Variants in NOC3L observed in about 807,000 individuals in gnomAD.
NOC3L encodes nucleolar complex protein 3 homolog.
A neutral mutation model predicts 102.5 loss-of-function variants in NOC3L; 85 were observed. The observed-to-expected ratio is 0.83, with a 90% CI of 0.70 to 0.99. The LOEUF (loss-of-function observed/expected upper bound fraction) is 0.99, where lower values mean the gene tolerates loss of function less well. Ranked by LOEUF, NOC3L falls within the 50% of genes least tolerant of loss-of-function variation. The pLI is 0.00. For synonymous variants in NOC3L, 303 were observed against 309.4 expected, an observed-to-expected ratio of 0.98 and a Z score of 0.22; for missense variants, 878 against 914.9, an observed-to-expected ratio of 0.96 and a Z score of 0.52.
chr10:94,353,494 T>A (rs1440411306), intron 6 of NOC3L, among the ~76,000 whole-genome samples: 1 of 151,922 alleles, frequency 6.6e-6, no homozygotes, highest in African/African-American at 2.4e-5. Context: ...ACTACCAGAG[T>A]GAGAAGTCAC....
rs780161657 is a variant in NOC3L, at chr10:94,346,574, A to C, written c.1258-18T>G. On this transcript the variant is annotated intron_variant, in intron 10 of 20. Transcript: ENST00000371361. ...TTTAACATCTAATATTGGAAAAAAA[A>C]CACAAATATACAGCTTAATATTTAT... 10 of 1,275,918 alleles carry C rather than the reference A, an allele frequency of 7.8e-6. No homozygotes were observed. Among genetic ancestry groups the C allele is most frequent in the South Asian group, 1.5e-5 (1 of 64,770 alleles). The allele number at this position is 1,275,918 out of a possible 1,614,324, so 79.0% of individuals were successfully genotyped here.
chr10:94,337,519 T>C (rs1011753444), intron 19 of NOC3L, among the ~76,000 whole-genome samples: 3 of 151,906 alleles, frequency 2.0e-5, no homozygotes, highest in Admixed American at 1.3e-4. Context: ...TACTATCCTG[T>C]ATGTGCGAAA....
intron 14 of NOC3L, among the ~76,000 whole-genome samples, chr10:94,341,223 G>A (rs1041177927): frequency 6.6e-6 from 1 of 150,918 alleles, no homozygotes; most frequent in African/African-American, 2.4e-5. Flanking sequence ...AACCTAGTAT[G>A]AGGCAGATTT....
intron 8 of NOC3L, among the ~76,000 whole-genome samples, chr10:94,351,661 G>C (rs2054420103): frequency 6.6e-6 from 1 of 151,950 alleles, no homozygotes; most frequent in African/African-American, 2.4e-5. Context: ...CCAGTAGCTG[G>C]GGCTCTATAG....
At chr10:94,319,626 T>TAAC in the NOC3L span, among the ~76,000 whole-genome samples, 1 of 152,140 alleles carries the variant, frequency 6.6e-6, no homozygotes, top group African/African-American at 2.4e-5. Flanking sequence ...ACAGACCACC[T>TAAC]AACTTCTGTA....
In NOC3L at chr10:94,333,814, G is replaced by T. The variant is rs1325957946; in HGVS notation, c.*363C>A. The T allele has an allele frequency of 6.3e-6, 1 of 158,846 alleles. No individual in the cohort carries two copies. The highest frequency in any genetic ancestry group is 2.4e-5 in the African/African-American group (1 of 41,736). The allele number at this position is 158,846 out of a possible 1,614,324, so 9.8% of individuals were successfully genotyped here. ...CTAAATGGTAAAATGTCTTCTCATG[G>T]TCTTGATTTTTCTGTGCTCTATGCC... On this transcript the variant is annotated 3_prime_UTR_variant, in exon 21 of 21. Transcript: ENST00000371361.
rs2054189435 is a variant in NOC3L at position 94,334,084 on chromosome 10, G to A, written c.*93C>T. ...TAGACATTCTTAGGAAGCTTTCCTTGTATAAAAAGAAAAGATCCTAAGTTA... is the reference window on the plus strand; with the variant it reads ...TAGACATTCTTAGGAAGCTTTCCTTATATAAAAAGAAAAGATCCTAAGTTA... On this transcript the variant is annotated 3_prime_UTR_variant, in exon 21 of 21. Coordinates refer to ENST00000371361, the MANE Select transcript of NOC3L (RefSeq NM_022451.11). The A allele has an allele frequency of 6.1e-6, 4 of 650,558 alleles. No homozygotes were observed. 40.3% of individuals were successfully genotyped at this position (650,558 alleles called of 1,614,324 possible).
At chr10:94,320,915 G>C in the NOC3L span, among the ~76,000 whole-genome samples, 3 of 152,162 alleles carry the variant, frequency 2.0e-5, no homozygotes, top group South Asian at 6.2e-4. Context: ...GGGGTATTTT[G>C]TGGCGAATAA....
chr10:94,330,279 T>G (rs960572518), downstream of NOC3L: 1 of 152,268 alleles, frequency 6.6e-6, no homozygotes, highest in Non-Finnish European at 1.5e-5. Flanking sequence ...TCCAGCCTAC[T>G]GCCTAGGTTG....
chr10:94,321,453 G>A, the NOC3L span, among the ~76,000 whole-genome samples: 5 of 152,224 alleles, frequency 3.3e-5, no homozygotes, highest in East Asian at 1.9e-4. Flanking sequence ...CCAGCATGGC[G>A]AAACCCTGTC....
At chr10:94,353,389 CT>C (rs1338831162) in intron 6 of NOC3L, among the ~76,000 whole-genome samples, 4 of 152,180 alleles carry the variant, frequency 2.6e-5, no homozygotes, top group African/African-American at 9.6e-5. Flanking sequence ...CCTCAGGAAA[CT>C]TACGATCAAG....
chr10:94,344,564 T>A, intron 12 of NOC3L, 49 bp from the exon 13 acceptor site: 6 of 1,278,458 alleles, frequency 4.7e-6, no homozygotes, highest in Non-Finnish European at 6.8e-6. Context: ...TGGTATGCTT[T>A]CTCCTGAGTG....
chr10:94,340,043 T>A, intron 16 of NOC3L, 123 bp from the exon 17 acceptor site: 1 of 849,780 alleles, frequency 1.2e-6, no homozygotes, highest in Non-Finnish European at 1.8e-6. Context: ...CTCTAATCAA[T>A]GAGGTAGTGC....
chr10:94,340,500 T>C lies in NOC3L; in HGVS notation c.1645-4A>G. The C allele has an allele frequency of 1.3e-6, 1 of 755,700 alleles. No individual in the cohort carries two copies. The highest frequency in any genetic ancestry group is 2.0e-6 in the Non-Finnish European group (1 of 505,742). The allele number at this position is 755,700 out of a possible 1,614,324, so 46.8% of individuals were successfully genotyped here. On this transcript the variant is annotated splice_polypyrimidine_tract_variant and splice_region_variant and intron_variant, in intron 14 of 20. Transcript: ENST00000371361. ...GACTTTCTTGATAGCTTAGGTCCTT[T>C]AAAAAAAAAAGGGGGGGGTGAGGGG...
In NOC3L at chr10:94,340,346, A is replaced by G; in HGVS notation, c.1710T>C (p.Gly570=). Residue 570 remains glycine, a splice_region_variant and synonymous_variant, in exon 16 of 21, where the codon GGT becomes GGC. Coordinates refer to ENST00000371361, the MANE Select transcript of NOC3L (RefSeq NM_022451.11). ...QTAFHILSGQ[G]DVLNIDPLKF... Reference sequence around the variant, plus strand: ...TCAATGGATCAATATTCAGAACATCACCTTTGAAATGACAACAAACACCAA... The same window carrying G: ...TCAATGGATCAATATTCAGAACATCGCCTTTGAAATGACAACAAACACCAA... The G allele has an allele frequency of 6.2e-7, 1 of 1,613,210 alleles. No individual in the cohort carries two copies. The highest frequency in any genetic ancestry group is 8.5e-7 in the Non-Finnish European group (1 of 1,179,618).
chr10:94,359,010 A>T (rs565474219), intron 2 of NOC3L, among the ~76,000 whole-genome samples: 13 of 130,776 alleles, frequency 9.9e-5, no homozygotes, highest in East Asian at 4.0e-4. Flanking sequence ...CTTTTTATTT[A>T]AAAAAAAAAA....
the NOC3L span, among the ~76,000 whole-genome samples, chr10:94,315,771 A>C: frequency 1.3e-4 from 1 of 7,824 alleles, no homozygotes. Context: ...CTCTGTCTCA[A>C]AAAAAAAAAA....
chr10:94,341,627 G>A (rs888188219), intron 14 of NOC3L, 46 bp downstream of exon 14: 3 of 1,025,480 alleles, frequency 2.9e-6, no homozygotes, highest in South Asian at 4.0e-5. Flanking sequence ...TTTTAAAATA[G>A]TAATTACCAT....
intron 19 of NOC3L, among the ~76,000 whole-genome samples, chr10:94,336,540 G>A (rs1485951726): frequency 6.6e-6 from 1 of 151,524 alleles, no homozygotes; most frequent in Non-Finnish European, 1.5e-5. Context: ...TAGAGATGGG[G>A]TTTCACCATG....
Sources: allele counts gnomAD v4.1 joint callset (sites outside exome capture counted in the v4.1 genomes callset), GRCh38; gene constraint gnomAD v4.1.1; transcripts MANE v1.5; gene names NCBI Gene and HGNC (gene_info 2026-07-23, HGNC 2026-07-21).